ZNF385D: variants seen among roughly 807,000 people sequenced by gnomAD.
ZNF385D encodes zinc finger protein 659.
Under a neutral mutation model 35.8 loss-of-function variants are expected in ZNF385D, and 15 were observed. The ratio of observed to expected loss-of-function variants is 0.42; its 90% CI spans 0.28 to 0.64. The LOEUF (loss-of-function observed/expected upper bound fraction) is 0.64. Among genes scored for constraint, ZNF385D ranks in the 30% least tolerant of loss-of-function variants. The probability of loss-of-function intolerance (pLI) is 0.23; values close to 1 mark genes in which losing one functional copy is unlikely to be tolerated. For missense variants in ZNF385D, 474 were observed against 494.6 expected (o/e 0.96, Z 0.39); for synonymous variants, 212 against 186.8 (o/e 1.13, Z -1.10).
intron 3 of ZNF385D, among the ~76,000 whole-genome samples, chr3:22,087,723 G>A (rs189739037): frequency 5.3e-5 from 8 of 152,222 alleles, no homozygotes. Context: ...TTTGTTACTT[G>A]AAGTCAAGCT....
chr3:21,571,876 C>T (rs549579943), intron 2 of ZNF385D, among the ~76,000 whole-genome samples: 6 of 152,312 alleles, frequency 3.9e-5, no homozygotes, highest in South Asian at 2.1e-4. Context: ...AGAGCTTCCA[C>T]GTCTTCTCCC....
chr3:21,700,305 G>A (rs1457872422), intron 1 of ZNF385D, among the ~76,000 whole-genome samples: 1 of 152,044 alleles, frequency 6.6e-6, no homozygotes, highest in African/African-American at 2.4e-5. Flanking sequence ...AGGGGAAGAA[G>A]CACTCCAGAC....
At chr3:21,997,515 G>T (rs969993740) in intron 3 of ZNF385D, among the ~76,000 whole-genome samples, 5 of 150,796 alleles carry the variant, frequency 3.3e-5, no homozygotes, top group African/African-American at 9.8e-5. Context: ...AAAAAAATGT[G>T]ATTTTTAAAA....
At chr3:22,056,513 G>A (rs1425584535) in intron 3 of ZNF385D, among the ~76,000 whole-genome samples, 2 of 152,114 alleles carry the variant, frequency 1.3e-5, no homozygotes, top group Non-Finnish European at 2.9e-5. Context: ...ACCCGTTATA[G>A]GGTGTACATC....
chr3:21,727,927 A>G (rs1454366604), intron 1 of ZNF385D, among the ~76,000 whole-genome samples: 2 of 152,210 alleles, frequency 1.3e-5, no homozygotes, highest in East Asian at 1.9e-4. Context: ...ATGTCCATCA[A>G]TGATAGACTA....
At chr3:22,176,764 C>T (rs934635910) in intron 2 of ZNF385D, among the ~76,000 whole-genome samples, 1 of 152,108 alleles carries the variant, frequency 6.6e-6, no homozygotes, top group Non-Finnish European at 1.5e-5. Flanking sequence ...TTACCTTAAT[C>T]TTCAAATGAC....
At chr3:21,520,443 T>C (rs984642857) in intron 3 of ZNF385D, among the ~76,000 whole-genome samples, 36 of 152,230 alleles carry the variant, frequency 2.4e-4, no homozygotes, top group African/African-American at 7.7e-4. Context: ...GGAGTCTCAA[T>C]GGATTTTGTA....
Position 22,314,417 on chromosome 3 carries a change from C to T in ZNF385D, c.106+58033G>A, listed in dbSNP as rs1275170957. Among the ~76,000 whole-genome samples, 5 of 152,272 alleles carry T rather than the reference C, an allele frequency of 3.3e-5. No individual in the cohort carries two copies. The East Asian group carries it at 9.6e-4, about 29-fold the overall frequency. On this transcript the variant is annotated intron_variant, in intron 2 of 5. Coordinates refer to the ZNF385D transcript ENST00000494108. ...GTTACTTCATTTAGAATAATAGTCT[C>T]CAATCCCATCCAGATTGCAGTGAAT...
intron 3 of ZNF385D, chr3:21,978,103 C>A (rs1222139518): frequency 6.7e-6 from 1 of 148,898 alleles, no homozygotes; most frequent in African/African-American, 2.4e-5. Context: ...AATACTTAAA[C>A]TACTTTTACC....
chr3:22,099,785 G>A (rs367567609), intron 3 of ZNF385D, among the ~76,000 whole-genome samples: 146 of 152,066 alleles, frequency 9.6e-4, no homozygotes, highest in African/African-American at 3.4e-3. Context: ...TCTTTGTAAA[G>A]GTCAGAAGCC....
intron 3 of ZNF385D, among the ~76,000 whole-genome samples, chr3:21,761,011 C>T (rs907682160): frequency 1.1e-4 from 17 of 152,220 alleles, no homozygotes; most frequent in Admixed American, 1.1e-3. Flanking sequence ...GTGGCTTTTG[C>T]TTCTCTCTTT....
intron 2 of ZNF385D, among the ~76,000 whole-genome samples, chr3:22,347,097 G>T (rs1345355154): frequency 6.6e-6 from 1 of 152,112 alleles, no homozygotes; most frequent in Non-Finnish European, 1.5e-5. Context: ...GACATAAAGA[G>T]AGAGACACAT....
At chr3:21,811,093 A>C (rs1206405836) in intron 3 of ZNF385D, among the ~76,000 whole-genome samples, 1 of 152,000 alleles carries the variant, frequency 6.6e-6, no homozygotes, top group African/African-American at 2.4e-5. Context: ...AGAGATACAA[A>C]TGCAAAGAAT....
rs533194368 is a variant in ZNF385D at position 22,215,634 on chromosome 3, C to A, written c.107-46599G>T. On this transcript the variant is annotated intron_variant, in intron 2 of 5. Transcript: ENST00000494108. ...CAATGAAAATACTTGCCCGAAACTT[C>A]ATTAGCAATTTTAATTTTGCCCTGG... Among the ~76,000 whole-genome samples, 3 of 152,166 alleles carry A rather than the reference C, an allele frequency of 2.0e-5. No homozygotes were observed. In the East Asian group the frequency reaches 5.8e-4, roughly 30 times the overall value.
At chr3:22,121,983 C>T (rs1016922008) in intron 3 of ZNF385D, among the ~76,000 whole-genome samples, 29 of 152,098 alleles carry the variant, frequency 1.9e-4, no homozygotes, top group Non-Finnish European at 3.8e-4. Context: ...GAGATTAATT[C>T]AAACTGGCTA....
At chr3:21,720,692 C>T (rs1277821959) in intron 1 of ZNF385D, among the ~76,000 whole-genome samples, 2 of 152,210 alleles carry the variant, frequency 1.3e-5, no homozygotes, top group African/African-American at 4.8e-5. Flanking sequence ...AGAAGAGTGA[C>T]TTGGAGAAGT....
At chr3:21,673,965 C>T (rs556067862) in intron 1 of ZNF385D, among the ~76,000 whole-genome samples, 1 of 152,130 alleles carries the variant, frequency 6.6e-6, no homozygotes, top group Admixed American at 6.6e-5. Context: ...AAATTTTACC[C>T]ATGATATCTA....
chr3:21,938,029 G>A lies in ZNF385D; in HGVS notation c.325+230788C>T, dbSNP rs112233622. Among the ~76,000 whole-genome samples the A allele has an allele frequency of 2.6e-5, 4 of 152,260 alleles. No individual in the cohort carries two copies. The East Asian group carries it at 7.7e-4, about 29-fold the overall frequency. On this transcript the variant is annotated intron_variant, in intron 3 of 5. Coordinates refer to the ZNF385D transcript ENST00000494108. ...ATATAACACAGTGCGAAATCTCTACGTAACAAAGGAGGTCCAAATTTTTAT... is the reference window on the plus strand; with the variant it reads ...ATATAACACAGTGCGAAATCTCTACATAACAAAGGAGGTCCAAATTTTTAT...
At chr3:22,096,139 T>G (rs13065477) in intron 3 of ZNF385D, among the ~76,000 whole-genome samples, 22 of 151,522 alleles carry the variant, frequency 1.5e-4, no homozygotes, top group African/African-American at 5.3e-4. Context: ...TATATATACA[T>G]GTTTAATAAT....
Sources: gnomAD v4.1 joint callset for allele counts (sites outside exome capture counted in the v4.1 genomes callset) on GRCh38, gnomAD v4.1.1 for gene constraint, MANE v1.5 for transcripts, NCBI Gene and HGNC (gene_info 2026-07-23, HGNC 2026-07-21) for gene names.